Variants in TBC1D30 observed in about 807,000 individuals in gnomAD.
TBC1D30 encodes TBC1 domain family member 30, also known as TBC1 domain family, member 30.
TBC1D30 carries 31 observed loss-of-function variants against 63.2 expected under a neutral mutation model. The ratio of observed to expected loss-of-function variants is 0.49; its 90% CI spans 0.37 to 0.66. The LOEUF (loss-of-function observed/expected upper bound fraction) is 0.66. Ranked by LOEUF, TBC1D30 falls within the 30% of genes least tolerant of loss-of-function variation. The pLI, the probability that TBC1D30 is intolerant of heterozygous loss-of-function variation, is 0.00. For missense variants in TBC1D30, 810 were observed against 953.6 expected (o/e 0.85, Z 1.98); for synonymous variants, 307 against 361.5 (o/e 0.85, Z 1.71).
chr12:64,862,165 T>A (rs1399218572), intron 8 of TBC1D30, among the ~76,000 whole-genome samples: 1 of 152,204 alleles, frequency 6.6e-6, no homozygotes, highest in Non-Finnish European at 1.5e-5. Context: ...TAGTCAAATC[T>A]CTTTCTTGGA....
In TBC1D30 at chr12:64,767,543, T is replaced by A. The variant is rs1282726035; in HGVS notation, c.-376+7894T>A. Among the ~76,000 whole-genome samples the A allele has an allele frequency of 3.3e-5, 5 of 152,260 alleles. No homozygotes were observed. The East Asian group carries it at 9.7e-4, about 29-fold the overall frequency. On this transcript the variant is annotated intron_variant, in intron 1 of 13. Coordinates refer to the TBC1D30 transcript ENST00000674237. ...AAAAGAGGCTCAGAAACACTTCACATTCATACAGAATGAACAACAAAAGAC... is the reference window on the plus strand; with the variant it reads ...AAAAGAGGCTCAGAAACACTTCACAATCATACAGAATGAACAACAAAAGAC...
At chr12:64,787,378 T>C (rs1214035413) in intron 2 of TBC1D30, 4 of 985,390 alleles carry the variant, frequency 4.1e-6, no homozygotes, top group Non-Finnish European at 4.8e-6. Context: ...AACAGTATGC[T>C]CAGGTATGGT....
chr12:64,775,104 A>AATATAT (rs1555165730), intron 1 of TBC1D30, among the ~76,000 whole-genome samples: 2 of 147,962 alleles, frequency 1.4e-5, no homozygotes, highest in East Asian at 2.0e-4. Context: ...AAAAAAAAAA[A>AATATAT]ATATATATAT....
intron 2 of TBC1D30, among the ~76,000 whole-genome samples, chr12:64,799,171 G>T (rs1872461123): frequency 6.6e-6 from 1 of 151,996 alleles, no homozygotes; most frequent in African/African-American, 2.4e-5. Flanking sequence ...CTGATGGGAT[G>T]GGAGGGGGGC....
intron 2 of TBC1D30, among the ~76,000 whole-genome samples, chr12:64,786,606 G>T (rs1252942771): frequency 6.6e-6 from 1 of 152,086 alleles, no homozygotes; most frequent in African/African-American, 2.4e-5. Context: ...CTCCCAAAGT[G>T]CTGGGATTAC....
At chr12:64,869,532 C>G (rs1364034753) in intron 10 of TBC1D30, among the ~76,000 whole-genome samples, 1 of 152,086 alleles carries the variant, frequency 6.6e-6, no homozygotes, top group Non-Finnish European at 1.5e-5. Context: ...TGCCTGAGTT[C>G]CAGCTTTTGA....
intron 1 of TBC1D30, among the ~76,000 whole-genome samples, chr12:64,827,285 CAAAAAAT>C (rs1265333685): frequency 3.9e-5 from 6 of 152,210 alleles, no homozygotes; most frequent in African/African-American, 1.4e-4. Flanking sequence ...CCCTGTTCTA[CAAAAAAT>C]ACAAAAATTA....
intron 9 of TBC1D30, among the ~76,000 whole-genome samples, chr12:64,865,796 T>C (rs139017493): frequency 9.1e-4 from 139 of 152,236 alleles, no homozygotes; most frequent in African/African-American, 3.2e-3. Context: ...TTTGTAATAG[T>C]ATATTATTGG....
Position 64,824,931 on chromosome 12 carries a change from A to G in TBC1D30, c.52A>G (p.Lys18Glu). ...GSLRRGGRCL[K>E]RQGGGVGTIL... ...TCTGAGGCGCGGGGGGAGATGCCTG[A>G]AGCGGCAGGGCGGCGGCGTGGGCAC... The change falls in exon 1 of 12, where the codon AAG becomes GAG. Residue 18 changes from lysine to glutamate, a missense_variant. This residue lies in a region of TBC1D30 where 272 missense variants were observed against 335.9 expected (regional missense o/e 0.81). Coordinates refer to ENST00000539867, the MANE Select transcript of TBC1D30 (RefSeq NM_015279.2). 7 of 1,534,578 alleles carry G rather than the reference A, an allele frequency of 4.6e-6. No homozygotes were observed. The highest frequency in any genetic ancestry group is 6.1e-6 in the Non-Finnish European group (7 of 1,146,568).
At chr12:64,778,955 C>T (rs1448038540), upstream of TBC1D30, 7 of 152,076 alleles carry the variant, frequency 4.6e-5, no homozygotes, top group Non-Finnish European at 8.8e-5. Flanking sequence ...TTGCCATTTT[C>T]CTCTCTTTAG....
chr12:64,796,825 G>A lies in TBC1D30; in HGVS notation c.643+10780G>A, dbSNP rs537236992. On this transcript the variant is annotated intron_variant, in intron 2 of 12. Coordinates refer to the TBC1D30 transcript ENST00000542120. ...CAATATATCAAGATTAAGACCTCACGATTTGAAGTTCTTTTATACGAAGTG... is the reference window on the plus strand; with the variant it reads ...CAATATATCAAGATTAAGACCTCACAATTTGAAGTTCTTTTATACGAAGTG... 2.5e-3 allele frequency among the ~76,000 whole-genome samples: 377 copies of A among 152,104 alleles called. 3 individuals are homozygous for A. The highest frequency in any genetic ancestry group is 3.8e-3 in the Non-Finnish European group (255 of 67,978).
chr12:64,791,221 A>C (rs1871900728), intron 2 of TBC1D30, among the ~76,000 whole-genome samples: 1 of 152,202 alleles, frequency 6.6e-6, no homozygotes, highest in Non-Finnish European at 1.5e-5. Context: ...TTTGGCAAAT[A>C]TGTAGAGACA....
At chr12:64,794,376 T>C (rs1872123160) in intron 2 of TBC1D30, among the ~76,000 whole-genome samples, 1 of 152,186 alleles carries the variant, frequency 6.6e-6, no homozygotes, top group Admixed American at 6.5e-5. Context: ...TTTTCTTTTT[T>C]CTTTTTCCTC....
At chr12:64,864,880 A>C in intron 9 of TBC1D30, 100 bp downstream of exon 9, 1 of 830,836 alleles carries the variant, frequency 1.2e-6, no homozygotes, top group Non-Finnish European at 1.8e-6. Context: ...GATATGTTAA[A>C]GTAAGTTGAC....
chr12:64,803,928 A>G (rs1225951067), intron 2 of TBC1D30, among the ~76,000 whole-genome samples: 1 of 152,330 alleles, frequency 6.6e-6, no homozygotes, highest in East Asian at 1.9e-4. Context: ...GAAGTCAGGT[A>G]GTGTGATGCC....
chr12:64,785,914 T>G (rs1438663085), exon 2 of TBC1D30: 1 of 1,289,872 alleles, frequency 7.8e-7, no homozygotes, highest in South Asian at 1.2e-5. Flanking sequence ...CTTCGAGAGC[T>G]AAAGTACAGA....
intron 2 of TBC1D30, among the ~76,000 whole-genome samples, chr12:64,802,650 C>T (rs1239153656): frequency 6.6e-6 from 1 of 151,992 alleles, no homozygotes. Flanking sequence ...CTCCCCCGTC[C>T]CCCACCGCAT....
chr12:64,841,485 A>G (rs1407552529), intron 7 of TBC1D30, among the ~76,000 whole-genome samples: 1 of 152,162 alleles, frequency 6.6e-6, no homozygotes, highest in East Asian at 1.9e-4. Flanking sequence ...AGACCTTGCC[A>G]AGGGCACAGC....
At chr12:64,856,324 G>C (rs1877297186) in intron 8 of TBC1D30, among the ~76,000 whole-genome samples, 1 of 152,194 alleles carries the variant, frequency 6.6e-6, no homozygotes, top group Admixed American at 6.5e-5. Flanking sequence ...TCCAACATTG[G>C]AGATTACAAT....
Sources: gnomAD v4.1 joint callset for allele counts (sites outside exome capture counted in the v4.1 genomes callset) on GRCh38, gnomAD v4.1.1 for gene constraint, gnomAD v4.1.1 regional missense constraint, MANE v1.5 for transcripts, NCBI Gene and HGNC (gene_info 2026-07-23, HGNC 2026-07-21) for gene names.